Variants in APOBEC3A observed in about 807,000 individuals in gnomAD.
APOBEC3A encodes the protein DNA dC->dU-editing enzyme APOBEC-3A.
APOBEC3A carries 13 observed loss-of-function variants against 23.0 expected under a neutral mutation model. The observed-to-expected ratio is 0.57, with a 90% CI of 0.37 to 0.90. The LOEUF (loss-of-function observed/expected upper bound fraction) is 0.90, where lower values mean the gene tolerates loss of function less well. Ranked by LOEUF, APOBEC3A falls within the 40% of genes least tolerant of loss-of-function variation. APOBEC3A has a pLI of 0.01. For synonymous variants in APOBEC3A, 74 were observed against 101.3 expected, an observed-to-expected ratio of 0.73 and a Z score of 1.62; for missense variants, 179 against 264.9, an observed-to-expected ratio of 0.68 and a Z score of 2.25.
chr22:38,959,272 G>A (rs1435757208), intron 1 of APOBEC3A, among the ~76,000 whole-genome samples: 2 of 152,182 alleles, frequency 1.3e-5, no homozygotes, highest in South Asian at 2.1e-4. Flanking sequence ...CTACCCCAGG[G>A]AGAGGAGCAG....
chr22:38,961,957 G>A, intron 3 of APOBEC3A, 141 bp from the exon 4 acceptor site: 2 of 1,231,590 alleles, frequency 1.6e-6, no homozygotes, highest in Middle Eastern at 2.9e-4. Flanking sequence ...GCCTGATGAA[G>A]GAGCTAAGTC....
intron 2 of APOBEC3A, 68 bp downstream of exon 2, chr22:38,959,754 T>C: frequency 1.9e-6 from 3 of 1,565,040 alleles, no homozygotes; most frequent in South Asian, 1.2e-5. Flanking sequence ...AGGTAGAAGG[T>C]TCCGGATTGT....
rs753529449 is a variant in APOBEC3A, at chr22:38,961,470, G to C, written c.258G>C (p.Pro86=). ...TGGTTCCTTCTTTGCAGTTGGACCCGGCCCAGATCTACAGGGTCACTTGGT... is the reference window on the plus strand; with the variant it reads ...TGGTTCCTTCTTTGCAGTTGGACCCCGCCCAGATCTACAGGGTCACTTGGT... ...LDLVPSLQLD[P]AQIYRVTWFI... The change falls in exon 3 of 5, where the codon CCG becomes CCC. Residue 86 remains proline (P), a synonymous_variant. Transcript: ENST00000249116. 4.2e-6 allele frequency: 6 copies of C among 1,439,952 alleles called. 1 individual carries two copies. Among genetic ancestry groups the C allele is most frequent in the East Asian group, 4.6e-5 (2 of 43,032 alleles). The allele number at this position is 1,439,952 out of a possible 1,614,324, so 89.2% of individuals were successfully genotyped here.
rs1360428744 is a variant in APOBEC3A, at chr22:38,959,671, C to A, written c.159C>A (p.Gly53=). ...CGGTCAAGATGGACCAGCACAGGGG[C>A]TTTCTACACAACCAGGTGACCGACC... is the stretch of plus-strand genomic sequence containing the variant. ...GTSVKMDQHR[G]FLHNQAKNLL... Residue 53 remains glycine, a synonymous_variant, in exon 2 of 5, where the codon GGC becomes GGA. Coordinates refer to ENST00000249116, the MANE Select transcript of APOBEC3A (RefSeq NM_145699.4). 6 of 1,613,576 alleles carry A rather than the reference C, an allele frequency of 3.7e-6. No individual in the cohort carries two copies. The highest frequency in any genetic ancestry group is 5.1e-6 in the Non-Finnish European group (6 of 1,179,822).
chr22:38,957,675 C>A lies in APOBEC3A; in HGVS notation c.-17C>A. The A allele has an allele frequency of 6.2e-7, 1 of 1,612,246 alleles. No individual in the cohort carries two copies. The highest frequency in any genetic ancestry group is 8.5e-7 in the Non-Finnish European group (1 of 1,179,078). On this transcript the variant is annotated 5_prime_UTR_variant, in exon 1 of 5. Transcript: ENST00000249116. The stretch of plus-strand genomic sequence containing the variant: ...GAGCGGGAGGACACAGACCAGGAAC[C>A]GAGAAGGGACAAGCACATGGAAGCC...
intron 1 of APOBEC3A, 151 bp from the exon 2 acceptor site, chr22:38,959,391 T>C: frequency 1.2e-6 from 1 of 861,302 alleles, no homozygotes. Flanking sequence ...ATAGAAGGGG[T>C]CAGAGGGGGA....
intron 1 of APOBEC3A, among the ~76,000 whole-genome samples, chr22:38,958,137 G>A (rs755118121): frequency 2.6e-5 from 4 of 152,204 alleles, no homozygotes; most frequent in Non-Finnish European, 5.9e-5. Context: ...AGAAAAGGGG[G>A]TTGCTTGTAG....
intron 2 of APOBEC3A, among the ~76,000 whole-genome samples, chr22:38,961,097 A>G (rs1922859251): frequency 6.7e-6 from 1 of 150,038 alleles, no homozygotes; most frequent in Non-Finnish European, 1.5e-5. Context: ...AGATTTTAAT[A>G]AAGCCTGGCA....
Position 38,962,760 on chromosome 22 carries a change from C to CA in APOBEC3A, c.*252dup, listed in dbSNP as rs1228296868. Reference sequence around the variant, plus strand: ...GATCACGAGGTCAGGAGATCGAGACCATCCTGGCTAACACGGTGAAACCCT... The same window carrying CA: ...GATCACGAGGTCAGGAGATCGAGACCAATCCTGGCTAACACGGTGAAACCCT... On this transcript the variant is annotated 3_prime_UTR_variant, in exon 5 of 5. Transcript: ENST00000249116. 7.8e-5 allele frequency: 72 copies of CA among 926,154 alleles called. 8 individuals carry two copies. In the South Asian group the frequency reaches 1.1e-3, roughly 15 times the overall value. 57.4% of individuals were successfully genotyped at this position (926,154 alleles called of 1,614,324 possible). A position where few individuals can be genotyped will look rare whatever the true frequency, so the allele number is the denominator to read the frequency against.
intron 1 of APOBEC3A, among the ~76,000 whole-genome samples, chr22:38,958,777 TTCTTTC>T (rs1569027396): frequency 2.7e-5 from 4 of 145,876 alleles, no homozygotes; most frequent in South Asian, 4.4e-4. Flanking sequence ...TTCTCTTTCT[TTCTTTC>T]TTTCTTTCTT....
intron 2 of APOBEC3A, among the ~76,000 whole-genome samples, chr22:38,960,684 T>C (rs1056451681): frequency 3.9e-5 from 6 of 152,186 alleles, no homozygotes; most frequent in African/African-American, 1.4e-4. Flanking sequence ...CCCACTACTT[T>C]TGGTGGAATT....
intron 1 of APOBEC3A, 59 bp from the exon 2 acceptor site, chr22:38,959,483 G>A: frequency 6.3e-7 from 1 of 1,580,044 alleles, no homozygotes; most frequent in Non-Finnish European, 8.6e-7. Flanking sequence ...GAGGGAGGAG[G>A]AGGCAGGGCA....
chr22:38,958,496 TTTC>T (rs1603263462), intron 1 of APOBEC3A, among the ~76,000 whole-genome samples: 1 of 149,414 alleles, frequency 6.7e-6, no homozygotes, highest in Admixed American at 6.6e-5. Context: ...TCCTTCTTTC[TTTC>T]TTTTTCTTTC....
Position 38,958,353 on chromosome 22 carries a change from CTCTT to C in APOBEC3A, c.29+636_29+639del, listed in dbSNP as rs1922670413. The stretch of plus-strand genomic sequence containing the variant: ...TTCTTTCTTCTTTCTTTCTCTCTCT[CTCTT>C]TCCTTCTTTATTTCTTTTTCTTCTT... On this transcript the variant is annotated intron_variant, in intron 1 of 4. Transcript: ENST00000249116. Among the ~76,000 whole-genome samples, 4 of 148,676 alleles carry C rather than the reference CTCTT, an allele frequency of 2.7e-5. No homozygotes were observed. The East Asian group carries it at 8.0e-4, about 30-fold the overall frequency.
intron 2 of APOBEC3A, among the ~76,000 whole-genome samples, chr22:38,960,952 G>T (rs1289711083): frequency 3.3e-5 from 5 of 151,654 alleles, no homozygotes; most frequent in Non-Finnish European, 7.4e-5. Flanking sequence ...GGTCCTGAAG[G>T]CTCTGACCTT....
chr22:38,959,784 G>A, intron 2 of APOBEC3A, 98 bp downstream of exon 2: 2 of 1,473,782 alleles, frequency 1.4e-6, no homozygotes, highest in Non-Finnish European at 1.8e-6. Context: ...TTCCTGCAGT[G>A]TTTGTCACTT....
chr22:38,962,021 T>A (rs1472045806), intron 3 of APOBEC3A, 77 bp from the exon 4 acceptor site: 10 of 1,537,632 alleles, frequency 6.5e-6, no homozygotes, highest in Non-Finnish European at 2.6e-6. Flanking sequence ...GGGAAGTCTG[T>A]CCTGAGAGTC....
intron 1 of APOBEC3A, among the ~76,000 whole-genome samples, chr22:38,958,769 C>CTTTTTCTTTCTTTCTT (rs59598207): frequency 0.014 from 1,567 of 109,436 alleles, 63 homozygotes; most frequent in African/African-American, 0.042. Flanking sequence ...ATCTCTCTTT[C>CTTTTTCTTTCTTTCTT]TCTTTCTTTC....
intron 1 of APOBEC3A, among the ~76,000 whole-genome samples, chr22:38,958,712 T>A (rs557857787): frequency 6.6e-6 from 1 of 150,686 alleles, no homozygotes; most frequent in South Asian, 2.1e-4. Flanking sequence ...TCTTTCCTTC[T>A]TTTTCTTTTC....
Sources: gnomAD v4.1 joint callset for allele counts (sites outside exome capture counted in the v4.1 genomes callset) on GRCh38, gnomAD v4.1.1 for gene constraint, MANE v1.5 for transcripts, NCBI Gene and HGNC (gene_info 2026-07-23, HGNC 2026-07-21) for gene names.